NAV3: variants seen among roughly 807,000 people sequenced by gnomAD.
NAV3 encodes the protein neuron navigator 3, also known as pore membrane and/or filament interacting like protein 1.
A neutral mutation model predicts 244.7 loss-of-function variants in NAV3; 87 were observed. The ratio of observed to expected loss-of-function variants is 0.36; its 90% CI spans 0.30 to 0.42. The LOEUF (loss-of-function observed/expected upper bound fraction) is 0.42, where lower values mean the gene tolerates loss of function less well. NAV3 is among the 20% of genes least tolerant of loss of function. The probability of loss-of-function intolerance (pLI) is 1.00; values close to 1 mark genes in which losing one functional copy is unlikely to be tolerated. For missense variants in NAV3, 2,663 were observed against 2,893.3 expected (o/e 0.92, Z 1.83); for synonymous variants, 1,126 against 1,042.2 (o/e 1.08, Z -1.55).
chr12:77,896,137 A>C (rs1884606748), intron 1 of NAV3, among the ~76,000 whole-genome samples: 1 of 152,170 alleles, frequency 6.6e-6, no homozygotes. Context: ...TTCAAGAGAC[A>C]GATCGCTACT....
At chr12:77,869,272 A>G (rs1880579076) in intron 1 of NAV3, among the ~76,000 whole-genome samples, 1 of 152,104 alleles carries the variant, frequency 6.6e-6, no homozygotes, top group African/African-American at 2.4e-5. Flanking sequence ...AATAATATAA[A>G]GTTCTCGAGA....
At chr12:78,126,987 A>G (rs1955937114) in intron 16 of NAV3, among the ~76,000 whole-genome samples, 180 bp from the exon 17 acceptor site, 2 of 152,202 alleles carry the variant, frequency 1.3e-5, no homozygotes, top group African/African-American at 4.8e-5. Context: ...AAGGAACTCA[A>G]ATATGTGTGA....
At chr12:78,162,069 G>A (rs551044688) in intron 23 of NAV3, among the ~76,000 whole-genome samples, 15 of 152,166 alleles carry the variant, frequency 9.9e-5, no homozygotes, top group East Asian at 1.9e-4. Context: ...ATTCAAGGAC[G>A]AATTTATTGC....
intron 2 of NAV3, among the ~76,000 whole-genome samples, chr12:77,636,352 G>A (rs1872153032): frequency 6.6e-6 from 1 of 151,536 alleles, no homozygotes; most frequent in Non-Finnish European, 1.5e-5. Flanking sequence ...TGTAGTCCCA[G>A]CTACTCAGGA....
At chr12:78,114,713 C>A (rs1420550848) in intron 12 of NAV3, among the ~76,000 whole-genome samples, 3 of 152,064 alleles carry the variant, frequency 2.0e-5, no homozygotes, top group African/African-American at 7.2e-5. Flanking sequence ...CACAGCCAAA[C>A]CATGTCAGTC....
At chr12:78,128,202 C>A (rs1027159756) in intron 17 of NAV3, among the ~76,000 whole-genome samples, 5 of 151,488 alleles carry the variant, frequency 3.3e-5, no homozygotes, top group Non-Finnish European at 7.4e-5. Flanking sequence ...GCACATCTCC[C>A]TCCTTATTTT....
At chr12:77,940,173 A>G (rs1487938667) in intron 1 of NAV3, 146 bp from the exon 2 acceptor site, 1 of 631,244 alleles carries the variant, frequency 1.6e-6, no homozygotes. Flanking sequence ...AAATTACTTT[A>G]CAACTATTTC....
chr12:77,927,995 C>G (rs895897068), intron 1 of NAV3, among the ~76,000 whole-genome samples: 3 of 151,800 alleles, frequency 2.0e-5, no homozygotes, highest in Non-Finnish European at 2.9e-5. Context: ...CTGAGGTGAG[C>G]ATATTGCCTG....
At chr12:78,008,303 T>A (rs907808918) in intron 8 of NAV3, among the ~76,000 whole-genome samples, 36 of 152,292 alleles carry the variant, frequency 2.4e-4, no homozygotes, top group African/African-American at 7.5e-4. Context: ...CAATATAAAA[T>A]TTTTAAATGC....
At chr12:77,654,844 A>G (rs539122257) in intron 2 of NAV3, among the ~76,000 whole-genome samples, 1,983 of 151,012 alleles carry the variant, frequency 0.013, 17 homozygotes, top group Middle Eastern at 0.038. Flanking sequence ...TACCCAGGCA[A>G]ACAGGGTCTG....
intron 8 of NAV3, among the ~76,000 whole-genome samples, chr12:78,014,079 A>G (rs1366556769): frequency 6.6e-6 from 1 of 151,998 alleles, no homozygotes; most frequent in Non-Finnish European, 1.5e-5. Context: ...TATATTCTAC[A>G]TGCTTTCAAG....
chr12:77,880,863 A>T (rs1412770475), intron 1 of NAV3, among the ~76,000 whole-genome samples: 1 of 152,160 alleles, frequency 6.6e-6, no homozygotes, highest in African/African-American at 2.4e-5. Flanking sequence ...ACACTCTATG[A>T]TGTTCACAAA....
intron 2 of NAV3, among the ~76,000 whole-genome samples, chr12:77,651,042 G>T (rs1872798355): frequency 6.6e-6 from 1 of 151,980 alleles, no homozygotes; most frequent in East Asian, 1.9e-4. Context: ...AAACTGGCTG[G>T]TCAGTATTTT....
intron 1 of NAV3, among the ~76,000 whole-genome samples, chr12:77,863,491 T>A (rs911194046): frequency 5.9e-5 from 9 of 151,886 alleles, no homozygotes; most frequent in Admixed American, 5.9e-4. Context: ...ATAATATAAA[T>A]AAAAAAACAA....
At chr12:78,180,781 A>G (rs908292052) in intron 29 of NAV3, 90 bp from the exon 30 acceptor site, 10 of 1,006,938 alleles carry the variant, frequency 9.9e-6, no homozygotes, top group African/African-American at 1.6e-5. Context: ...TTATTTAACA[A>G]ACAAGCTAAT....
chr12:78,172,472 A>G (rs997263136), intron 24 of NAV3, among the ~76,000 whole-genome samples: 1 of 151,596 alleles, frequency 6.6e-6, no homozygotes, highest in Non-Finnish European at 1.5e-5. Context: ...GCAGAAGGTA[A>G]AGGAATGTAT....
chr12:77,751,902 A>C (rs1378615174), intron 2 of NAV3, among the ~76,000 whole-genome samples: 1 of 152,212 alleles, frequency 6.6e-6, no homozygotes, highest in Non-Finnish European at 1.5e-5. Flanking sequence ...TTATTTAAGA[A>C]AATATTGGAA....
At chr12:78,203,436 A>T (rs74730880) in intron 38 of NAV3, among the ~76,000 whole-genome samples, 11 of 152,222 alleles carry the variant, frequency 7.2e-5, no homozygotes, top group African/African-American at 2.6e-4. Context: ...GCTCTAAAAC[A>T]AGATAACTAT....
At chr12:77,638,009 T>G (rs1423896925) in intron 2 of NAV3, among the ~76,000 whole-genome samples, 1 of 152,214 alleles carries the variant, frequency 6.6e-6, no homozygotes, top group African/African-American at 2.4e-5. Flanking sequence ...GCAACCTTTG[T>G]GATGTGCTTT....
Sources: allele counts gnomAD v4.1 joint callset (sites outside exome capture counted in the v4.1 genomes callset), GRCh38; gene constraint gnomAD v4.1.1; transcripts MANE v1.5; gene names NCBI Gene and HGNC (gene_info 2026-07-23, HGNC 2026-07-21).